RBFOX1: variants seen among roughly 807,000 people sequenced by gnomAD.
The protein encoded by RBFOX1 is RNA binding protein fox-1 homolog 1.
RBFOX1 carries 8 observed loss-of-function variants against 57.7 expected under a neutral mutation model. The ratio of observed to expected loss-of-function variants is 0.14; its 90% CI spans 0.08 to 0.25. The LOEUF is 0.25. Among genes scored for constraint, RBFOX1 ranks in the 10% least tolerant of loss-of-function variants. RBFOX1 has a pLI of 1.00. For synonymous variants in RBFOX1, 326 were observed against 222.4 expected, an observed-to-expected ratio of 1.47 and a Z score of -4.15; for missense variants, 611 against 548.5, an observed-to-expected ratio of 1.11 and a Z score of -1.14.
chr16:7,295,427 A>T (rs2095869769), intron 4 of RBFOX1, among the ~76,000 whole-genome samples: 1 of 152,148 alleles, frequency 6.6e-6, no homozygotes, highest in South Asian at 2.1e-4. Flanking sequence ...TCATAATAAT[A>T]GTTGCTATAT....
chr16:5,622,650 G>C (rs1299509261), intron 3 of RBFOX1, among the ~76,000 whole-genome samples: 1 of 152,170 alleles, frequency 6.6e-6, no homozygotes, highest in Non-Finnish European at 1.5e-5. Context: ...TTTAAATAAA[G>C]TTTTATTGGA....
chr16:6,994,945 TTGTGTGTGTGTGTG>T (rs145095044), intron 3 of RBFOX1, among the ~76,000 whole-genome samples: 2 of 147,994 alleles, frequency 1.4e-5, no homozygotes, highest in Non-Finnish European at 3.0e-5. Flanking sequence ...TTGCATTATT[TTGTGTGTGTGTGTG>T]TGTGTGTGTG....
intron 3 of RBFOX1, among the ~76,000 whole-genome samples, chr16:5,856,216 T>C (rs1186951199): frequency 2.7e-4 from 6 of 22,250 alleles, no homozygotes; most frequent in African/African-American, 3.9e-4. Context: ...TACATATATA[T>C]GTATATATAT....
At chr16:6,488,876 T>A (rs936135616) in intron 2 of RBFOX1, among the ~76,000 whole-genome samples, 1 of 152,180 alleles carries the variant, frequency 6.6e-6, no homozygotes, top group African/African-American at 2.4e-5. Flanking sequence ...CTAGGTAATA[T>A]CAGTGATAGT....
At chr16:5,275,236 T>G (rs2063112690) in intron 1 of RBFOX1, among the ~76,000 whole-genome samples, 1 of 152,196 alleles carries the variant, frequency 6.6e-6, no homozygotes, top group Non-Finnish European at 1.5e-5. Flanking sequence ...GTGCAATGAG[T>G]AATGATCAAA....
At chr16:5,423,176 A>G (rs544741064) in intron 1 of RBFOX1, among the ~76,000 whole-genome samples, 2 of 152,142 alleles carry the variant, frequency 1.3e-5, no homozygotes, top group African/African-American at 4.8e-5. Context: ...AGAAGTTACA[A>G]CAGTAGTAAA....
Position 5,773,644 on chromosome 16 carries a change from G to C in RBFOX1, c.319-93659G>C, listed in dbSNP as rs79794565. 7.1e-3 allele frequency among the ~76,000 whole-genome samples: 1,084 copies of C among 152,294 alleles called. 14 individuals carry two copies. Among genetic ancestry groups the C allele is most frequent in the African/African-American group, 0.025 (1,023 of 41,568 alleles). On this transcript the variant is annotated intron_variant, in intron 3 of 19. Coordinates refer to the RBFOX1 transcript ENST00000641259. ...TTTTTATGCACGTGAGCAAGAACGT[G>C]CATGGGATTATTTCTGAAAAATAGA...
chr16:6,342,964 TC>T (rs1567976474), intron 2 of RBFOX1, among the ~76,000 whole-genome samples: 1 of 152,206 alleles, frequency 6.6e-6, no homozygotes, highest in Non-Finnish European at 1.5e-5. Flanking sequence ...TTATATTTTT[TC>T]TGAAGTTTGT....
At chr16:7,076,104 C>T (rs189340241) in intron 4 of RBFOX1, among the ~76,000 whole-genome samples, 33 of 150,864 alleles carry the variant, frequency 2.2e-4, no homozygotes, top group Admixed American at 3.3e-4. Flanking sequence ...TGCCATGGCG[C>T]GATCTCGGCT....
rs571151229 is a variant in RBFOX1, at chr16:5,370,977, G to T, written c.220-96239G>T. On this transcript the variant is annotated intron_variant, in intron 1 of 2. Transcript: ENST00000585867. ...CCTCAGAATGTTTTTTAGATGGATTGTTGCTCTTTCGCCAGGCTGGAGTGC... is the reference window on the plus strand; with the variant it reads ...CCTCAGAATGTTTTTTAGATGGATTTTTGCTCTTTCGCCAGGCTGGAGTGC... Among the ~76,000 whole-genome samples the T allele has an allele frequency of 5.3e-5, 8 of 152,268 alleles. No individual in the cohort carries two copies. In the South Asian group the frequency reaches 8.3e-4, roughly 16 times the overall value.
At chr16:6,641,701 A>C (rs866932819) in intron 2 of RBFOX1, among the ~76,000 whole-genome samples, 1 of 132,148 alleles carries the variant, frequency 7.6e-6, no homozygotes, top group African/African-American at 2.8e-5. Context: ...CACCACCGCA[A>C]TTCAGCCTGG....
intron 3 of RBFOX1, among the ~76,000 whole-genome samples, chr16:7,034,361 G>C (rs2043661418): frequency 6.6e-6 from 1 of 152,170 alleles, no homozygotes; most frequent in African/African-American, 2.4e-5. Flanking sequence ...CCAGGTTGGT[G>C]CTGGAGGAGA....
At chr16:6,826,141 C>T (rs1051232754) in intron 3 of RBFOX1, among the ~76,000 whole-genome samples, 2 of 152,090 alleles carry the variant, frequency 1.3e-5, no homozygotes, top group Non-Finnish European at 2.9e-5. Flanking sequence ...CTCCCTACCC[C>T]AGTTTTCTCA....
At chr16:5,858,162 G>C (rs1345998768) in intron 3 of RBFOX1, among the ~76,000 whole-genome samples, 1 of 152,002 alleles carries the variant, frequency 6.6e-6, no homozygotes, top group East Asian at 1.9e-4. Flanking sequence ...GCACCTAGCC[G>C]CAGAAAGTAA....
intron 2 of RBFOX1, among the ~76,000 whole-genome samples, chr16:5,541,910 T>G (rs1402801376): frequency 6.6e-6 from 1 of 152,200 alleles, no homozygotes; most frequent in African/African-American, 2.4e-5. Context: ...TTTATTTCAG[T>G]AGTTTTTTGG....
intron 3 of RBFOX1, among the ~76,000 whole-genome samples, chr16:6,963,517 A>G (rs982523892): frequency 6.6e-6 from 1 of 152,094 alleles, no homozygotes; most frequent in African/African-American, 2.4e-5. Context: ...TTTGTTTGCA[A>G]AGGAGTGAAT....
At chr16:5,852,216 A>G (rs1253756851) in intron 3 of RBFOX1, among the ~76,000 whole-genome samples, 1 of 152,034 alleles carries the variant, frequency 6.6e-6, no homozygotes, top group African/African-American at 2.4e-5. Flanking sequence ...CATGCCTCCT[A>G]GCCTTTGCCC....
At chr16:6,615,852 A>T (rs1432948675) in intron 2 of RBFOX1, among the ~76,000 whole-genome samples, 1 of 152,132 alleles carries the variant, frequency 6.6e-6, no homozygotes, top group African/African-American at 2.4e-5. Context: ...TCTGCTTGGC[A>T]CGTGGAACTG....
chr16:5,658,104 T>C (rs2049513444), intron 3 of RBFOX1, among the ~76,000 whole-genome samples: 2 of 152,146 alleles, frequency 1.3e-5, no homozygotes, highest in South Asian at 4.1e-4. Flanking sequence ...GCCTGCTCTG[T>C]GGCTACAAGT....
Sources: gnomAD v4.1 joint callset for allele counts (sites outside exome capture counted in the v4.1 genomes callset) on GRCh38, gnomAD v4.1.1 for gene constraint, MANE v1.5 for transcripts, NCBI Gene and HGNC (gene_info 2026-07-23, HGNC 2026-07-21) for gene names.